The following PHF19 variants were observed in gnomAD, a reference collection of about 807,000 sequenced individuals.
PHF19 encodes PHD finger protein 19.
In PHF19, 21 loss-of-function variants were observed where a neutral mutation model predicts 79.8. The observed-to-expected ratio is 0.26, with a 90% CI of 0.19 to 0.38. PHF19 has a LOEUF of 0.38. PHF19 is among the 10% of genes least tolerant of loss of function. The pLI is 1.00. For synonymous variants in PHF19, 273 were observed against 296.3 expected (o/e 0.92, Z 0.81); for missense variants, 445 against 744.2 (o/e 0.60, Z 4.68).
chr9:120,871,905 G>A (rs763008303), intron 3 of PHF19, among the ~76,000 whole-genome samples: 1 of 151,710 alleles, frequency 6.6e-6, no homozygotes, highest in Non-Finnish European at 1.5e-5. Flanking sequence ...AGGCGTGGTG[G>A]CACGTGGCTG....
At chr9:120,873,617 GC>G (rs34773481) in intron 3 of PHF19, among the ~76,000 whole-genome samples, 1 of 152,184 alleles carries the variant, frequency 6.6e-6, no homozygotes, top group Admixed American at 6.5e-5. Flanking sequence ...ACCTGGGCAC[GC>G]CCCCTTTTCT....
At chr9:120,871,027 C>T (rs559521003) in intron 3 of PHF19, among the ~76,000 whole-genome samples, 1 of 152,268 alleles carries the variant, frequency 6.6e-6, no homozygotes, top group African/African-American at 2.4e-5. Flanking sequence ...CTCAGCCTCC[C>T]GAGTAGCTGA....
At chr9:120,892,572 G>A (rs537974169) in intron 1 of PHF19, among the ~76,000 whole-genome samples, 1 of 152,176 alleles carries the variant, frequency 6.6e-6, no homozygotes, top group African/African-American at 2.4e-5. Context: ...TCAAGTTTTA[G>A]CTGCTAGAAA....
chr9:120,856,829 A>G lies in PHF19; in HGVS notation c.*1115T>C, dbSNP rs2045370820. 6.5e-6 allele frequency: 1 copy of G among 152,726 alleles called. No homozygotes were observed. Among genetic ancestry groups the G allele is most frequent in the South Asian group, 2.1e-4 (1 of 4,826 alleles). 9.5% of individuals were successfully genotyped at this position (152,726 alleles called of 1,614,324 possible). ...CCAATGCTGGTTGATGGGCTGAAAG[A>G]AGGAGCGGCCACTGAGCTTTCACAT... On this transcript the variant is annotated 3_prime_UTR_variant, in exon 15 of 15. Transcript: ENST00000373896.
At chr9:120,879,053 CTTCT>C (rs138116112), upstream of PHF19, among the ~76,000 whole-genome samples, 98,253 of 150,708 alleles carry the variant, frequency 0.65, 32,099 homozygotes, top group Middle Eastern at 0.8. Context: ...GAGTGTGTCA[CTTCT>C]TTCTTTCTTT....
chr9:120,858,313 G>C, intron 14 of PHF19, 27 bp from the exon 15 acceptor site: 2 of 1,480,642 alleles, frequency 1.4e-6, no homozygotes, highest in Non-Finnish European at 1.8e-6. Context: ...AGAGGAAGAT[G>C]ATGAGAATGA....
intron 14 of PHF19, among the ~76,000 whole-genome samples, chr9:120,859,331 G>T (rs2045450207): frequency 6.6e-6 from 1 of 150,664 alleles, no homozygotes; most frequent in Admixed American, 6.6e-5. Context: ...TGTTGGCCAG[G>T]CTGCTCTTGA....
intron 9 of PHF19, among the ~76,000 whole-genome samples, chr9:120,864,940 G>A (rs914342179): frequency 5.3e-5 from 8 of 151,072 alleles, no homozygotes; most frequent in African/African-American, 1.5e-4. Flanking sequence ...TTTCCACCAC[G>A]AATATGTACA....
chr9:120,865,187 T>A (rs552263840), intron 9 of PHF19, among the ~76,000 whole-genome samples: 4 of 152,284 alleles, frequency 2.6e-5, no homozygotes, highest in South Asian at 4.1e-4. Context: ...ATTCTAAGGA[T>A]GTCATTAGGG....
At position 120,874,316 on chromosome 9, in the gene PHF19, C is replaced by G. The variant is rs1019372155; in HGVS notation, c.186+240G>C. Among the ~76,000 whole-genome samples, 42 of 152,132 alleles carry G rather than the reference C, an allele frequency of 2.8e-4. No homozygotes were observed. Among genetic ancestry groups the G allele is most frequent in the Admixed American group, 1.1e-3 (17 of 15,278 alleles). Reference sequence around the variant, plus strand: ...ATGCTCCTCTGTGATCCTCTCAAACCTGACTTTTTTGTTTTGTAGGCTCTC... The same window carrying G: ...ATGCTCCTCTGTGATCCTCTCAAACGTGACTTTTTTGTTTTGTAGGCTCTC... On this transcript the variant is annotated intron_variant, in intron 2 of 14. Transcript: ENST00000373896. The surrounding 1 kb of genome is among the most constrained non-coding windows in gnomAD (Gnocchi z 4.5).
rs374981465 is a variant in PHF19, at chr9:120,859,810, G to A, written c.1400+280C>T. 4.7e-4 allele frequency among the ~76,000 whole-genome samples: 72 copies of A among 152,290 alleles called. 1 individual carries two copies. The highest frequency in any genetic ancestry group is 1.5e-3 in the African/African-American group (64 of 41,552). On this transcript the variant is annotated intron_variant, in intron 14 of 14. Coordinates refer to ENST00000373896, the MANE Select transcript of PHF19 (RefSeq NM_015651.3). The stretch of plus-strand genomic sequence containing the variant: ...GTCCAACAACCCCAGAACTGGAATC[G>A]TCCAGTGAGAGGTGTGTACAAGCTT...
At chr9:120,887,711 T>G (rs944880444) in intron 1 of PHF19, among the ~76,000 whole-genome samples, 1 of 151,942 alleles carries the variant, frequency 6.6e-6, no homozygotes, top group African/African-American at 2.4e-5. Context: ...TGCCTTATGA[T>G]TTTTTGGCTT....
At chr9:120,878,445 T>A (rs1283833259), upstream of PHF19, among the ~76,000 whole-genome samples, 1 of 152,058 alleles carries the variant, frequency 6.6e-6, no homozygotes, top group Non-Finnish European at 1.5e-5. Context: ...CCTCTGTGGC[T>A]ACCATCCCAC....
chr9:120,860,321 C>T lies in PHF19; in HGVS notation c.1305-136G>A. 1.6e-6 allele frequency: 1 copy of T among 632,406 alleles called. No individual in the cohort carries two copies. Among genetic ancestry groups the T allele is most frequent in the Non-Finnish European group, 2.9e-6 (1 of 345,318 alleles). The allele number at this position is 632,406 out of a possible 1,614,324, so 39.2% of individuals were successfully genotyped here. On this transcript the variant is annotated intron_variant, in intron 13 of 14. Transcript: ENST00000373896. The surrounding 1 kb of genome is among the most constrained non-coding windows in gnomAD (Gnocchi z 4.1). ...TTCCCACAGCTGAGCTTCCCACCAC[C>T]ACACCTGTCTGTTTCCTACCCAGCC...
chr9:120,902,681 AT>A, the PHF19 span: 25 of 152,092 alleles, frequency 1.6e-4, no homozygotes, highest in Non-Finnish European at 2.8e-4. Flanking sequence ...GCATTTCACA[AT>A]ATTCTCAGGC....
In PHF19 at chr9:120,891,551, G is replaced by A. The variant is rs1022326904; in HGVS notation, c.42+3237C>T. Among the ~76,000 whole-genome samples the A allele has an allele frequency of 3.2e-4, 48 of 152,280 alleles. No homozygotes were observed. The highest frequency in any genetic ancestry group is 6.0e-4 in the Non-Finnish European group (41 of 68,022). ...TGGTTCAAGGTGCAGCCCAGGTGGA[G>A]CGCCACCATAATTTACAGCACACGA... is the stretch of plus-strand genomic sequence containing the variant. On this transcript the variant is annotated intron_variant, in intron 1 of 14. Coordinates refer to the PHF19 transcript ENST00000616568. This position sits in a 1 kb window ranked among gnomAD's most constrained non-coding sequence, Gnocchi z 4.3.
At chr9:120,899,184 A>G (rs1251093060), upstream of PHF19, among the ~76,000 whole-genome samples, 260 of 106,854 alleles carry the variant, frequency 2.4e-3, no homozygotes, top group Middle Eastern at 0.023. Context: ...GGGCGACACA[A>G]CGAGACTCAG....
chr9:120,889,509 G>A (rs957711490), intron 1 of PHF19, among the ~76,000 whole-genome samples: 1 of 152,044 alleles, frequency 6.6e-6, no homozygotes, highest in Admixed American at 6.5e-5. Context: ...GGGAAGCCGA[G>A]GTAGGAAGAT....
At chr9:120,885,778 A>G (rs1055906348) in intron 1 of PHF19, among the ~76,000 whole-genome samples, 3 of 152,130 alleles carry the variant, frequency 2.0e-5, no homozygotes, top group Non-Finnish European at 4.4e-5. Context: ...GCCAAAATTT[A>G]TTTTAAAATC....
Sources: gnomAD v4.1 joint callset for allele counts (sites outside exome capture counted in the v4.1 genomes callset) on GRCh38, gnomAD v4.1.1 for gene constraint, Gnocchi (gnomAD v3.1) non-coding constraint, MANE v1.5 for transcripts, NCBI Gene and HGNC (gene_info 2026-07-23, HGNC 2026-07-21) for gene names.